Variants in NRXN3 observed in about 807,000 individuals in gnomAD.
NRXN3 encodes the protein neurexin 3.
A neutral mutation model predicts 137.6 loss-of-function variants in NRXN3; 32 were observed. The observed-to-expected ratio is 0.23, with a 90% CI of 0.18 to 0.31. The LOEUF is 0.31. Ranked by LOEUF, NRXN3 falls within the 10% of genes least tolerant of loss-of-function variation. The probability of loss-of-function intolerance (pLI) is 1.00; values close to 1 mark genes in which losing one functional copy is unlikely to be tolerated. For synonymous variants in NRXN3, 798 were observed against 784.5 expected, an observed-to-expected ratio of 1.02 and a Z score of -0.29; for missense variants, 1,574 against 2,062.5, an observed-to-expected ratio of 0.76 and a Z score of 4.59.
chr14:78,371,825 A>G (rs1263092198), intron 4 of NRXN3, among the ~76,000 whole-genome samples: 17 of 152,246 alleles, frequency 1.1e-4, no homozygotes, highest in Admixed American at 1.1e-3. Flanking sequence ...TCTCATTTGT[A>G]TAGTGATAAG....
At chr14:79,196,417 G>A (rs1048932716) in intron 15 of NRXN3, among the ~76,000 whole-genome samples, 1 of 152,200 alleles carries the variant, frequency 6.6e-6, no homozygotes, top group African/African-American at 2.4e-5. Flanking sequence ...GAGCATGGGA[G>A]AGAGCCAAAC....
At chr14:78,438,393 G>T (rs1356670641) in intron 4 of NRXN3, among the ~76,000 whole-genome samples, 1 of 152,170 alleles carries the variant, frequency 6.6e-6, no homozygotes, top group Non-Finnish European at 1.5e-5. Context: ...TGCAGTGGGT[G>T]AGATTGTCTT....
At chr14:79,657,182 T>C (rs1324786352) in intron 16 of NRXN3, among the ~76,000 whole-genome samples, 1 of 152,216 alleles carries the variant, frequency 6.6e-6, no homozygotes, top group East Asian at 1.9e-4. Flanking sequence ...GTCTTCGTTA[T>C]CGTTTTTCTA....
intron 16 of NRXN3, among the ~76,000 whole-genome samples, chr14:79,471,425 C>T (rs2096506039): frequency 6.6e-6 from 1 of 152,162 alleles, no homozygotes; most frequent in African/African-American, 2.4e-5. Flanking sequence ...CTTTAAGCTC[C>T]ACAGTATTCC....
intron 15 of NRXN3, among the ~76,000 whole-genome samples, chr14:79,108,191 T>C (rs911020108): frequency 3.3e-5 from 5 of 152,176 alleles, no homozygotes; most frequent in Admixed American, 2.6e-4. Flanking sequence ...TAGAAGACAA[T>C]GTAAGGTAGC....
intron 4 of NRXN3, among the ~76,000 whole-genome samples, chr14:78,400,441 A>G (rs1367737243): frequency 3.9e-5 from 6 of 152,226 alleles, no homozygotes. Flanking sequence ...CATCTTTTAT[A>G]GAAACTTTAC....
chr14:79,672,765 C>T (rs2098616636), intron 17 of NRXN3, among the ~76,000 whole-genome samples: 1 of 151,912 alleles, frequency 6.6e-6, no homozygotes, highest in Non-Finnish European at 1.5e-5. Flanking sequence ...TTTCCTCTGC[C>T]CCAGAGCTGC....
At chr14:79,591,059 G>A (rs928669022) in intron 16 of NRXN3, among the ~76,000 whole-genome samples, 11 of 152,048 alleles carry the variant, frequency 7.2e-5, no homozygotes, top group African/African-American at 2.7e-4. Flanking sequence ...AAAGACAAAG[G>A]ACACCGAGCT....
At chr14:78,859,078 G>C (rs2099065442) in intron 10 of NRXN3, among the ~76,000 whole-genome samples, 2 of 152,110 alleles carry the variant, frequency 1.3e-5, no homozygotes, top group South Asian at 4.1e-4. Flanking sequence ...TTTCCCCCAT[G>C]CTGTTCTCAT....
chr14:79,347,454 C>A (rs2092947088), intron 15 of NRXN3, among the ~76,000 whole-genome samples: 1 of 151,334 alleles, frequency 6.6e-6, no homozygotes, highest in Non-Finnish European at 1.5e-5. Context: ...CAGAGTCTCG[C>A]TCTGTCACCC....
chr14:79,123,714 C>T (rs2055887767), intron 15 of NRXN3, among the ~76,000 whole-genome samples: 1 of 152,108 alleles, frequency 6.6e-6, no homozygotes, highest in Non-Finnish European at 1.5e-5. Context: ...GAGGATTTAG[C>T]TCTATCTTGG....
chr14:79,319,241 A>G (rs1598661911), intron 15 of NRXN3, among the ~76,000 whole-genome samples: 1 of 152,196 alleles, frequency 6.6e-6, no homozygotes, highest in African/African-American at 2.4e-5. Flanking sequence ...TCTCTTCTCT[A>G]TAAAGACAGA....
At chr14:79,091,958 A>G (rs1333079126) in intron 15 of NRXN3, among the ~76,000 whole-genome samples, 3 of 152,186 alleles carry the variant, frequency 2.0e-5, no homozygotes, top group Admixed American at 6.5e-5. Context: ...GTAGAACTGA[A>G]TGTGATTTCT....
intron 15 of NRXN3, among the ~76,000 whole-genome samples, chr14:79,202,340 T>C (rs532655627): frequency 8.5e-5 from 13 of 152,246 alleles, no homozygotes; most frequent in African/African-American, 2.9e-4. Flanking sequence ...AATAGGCATA[T>C]CCTTGTTTTG....
intron 16 of NRXN3, among the ~76,000 whole-genome samples, chr14:79,519,628 G>A (rs2097038436): frequency 6.6e-6 from 1 of 151,946 alleles, no homozygotes; most frequent in Non-Finnish European, 1.5e-5. Context: ...TAGGAAACCT[G>A]CAAAATGGGC....
intron 4 of NRXN3, among the ~76,000 whole-genome samples, chr14:78,583,501 T>A (rs2097026604): frequency 6.6e-6 from 1 of 151,826 alleles, no homozygotes; most frequent in South Asian, 2.1e-4. Flanking sequence ...ACTTATTAAA[T>A]GTACTAATAA....
chr14:79,861,616 G>C lies in NRXN3; in HGVS notation c.4368G>C (p.Leu1456=). The stretch of plus-strand genomic sequence containing the variant: ...CCTATGAGCTAGACAGCACCAAACT[G>C]AAGAGCCCACTAATTACTTCCCCCA... ...PTAYELDSTK[L]KSPLITSPMF... The change falls in exon 21 of 21, where the codon CTG becomes CTC. Residue 1456 remains leucine, a synonymous_variant. Coordinates refer to ENST00000335750, the MANE Select transcript of NRXN3 (RefSeq NM_001330195.2). This position sits in a 1 kb window ranked among gnomAD's most constrained non-coding sequence, Gnocchi z 5.4. 1.9e-6 allele frequency: 3 copies of C among 1,613,854 alleles called. No individual in the cohort carries two copies. The highest frequency in any genetic ancestry group is 2.5e-6 in the Non-Finnish European group (3 of 1,179,954).
At chr14:79,220,320 G>C (rs376879227) in intron 15 of NRXN3, among the ~76,000 whole-genome samples, 2 of 152,206 alleles carry the variant, frequency 1.3e-5, no homozygotes, top group East Asian at 3.9e-4. Flanking sequence ...GAAGTTTTAG[G>C]TTCATAGTAA....
intron 15 of NRXN3, among the ~76,000 whole-genome samples, chr14:79,398,435 G>C (rs2095089503): frequency 6.6e-6 from 1 of 151,686 alleles, no homozygotes; most frequent in South Asian, 2.1e-4. Flanking sequence ...CTTTCACTAA[G>C]ACCCAGACAA....
Sources: allele counts gnomAD v4.1 joint callset (sites outside exome capture counted in the v4.1 genomes callset), GRCh38; gene constraint gnomAD v4.1.1; non-coding constraint Gnocchi (gnomAD v3.1); transcripts MANE v1.5; gene names NCBI Gene and HGNC (gene_info 2026-07-23, HGNC 2026-07-21).